Variants in LRRC7 observed in about 807,000 individuals in gnomAD.
LRRC7 encodes the protein leucine rich repeat containing 7.
Under a neutral mutation model 175.7 loss-of-function variants are expected in LRRC7, and 23 were observed. The ratio of observed to expected loss-of-function variants is 0.13; its 90% confidence interval spans 0.09 to 0.19. The LOEUF (loss-of-function observed/expected upper bound fraction) is 0.19. Among genes scored for constraint, LRRC7 ranks in the 10% least tolerant of loss-of-function variants. LRRC7 has a pLI of 1.00. For missense variants in LRRC7, 1,354 were observed against 1,904.7 expected (o/e 0.71, Z 5.38); for synonymous variants, 685 against 680.9 (o/e 1.01, Z -0.09).
chr1:69,794,761 A>G (rs1190778034), intron 4 of LRRC7, among the ~76,000 whole-genome samples: 1 of 152,202 alleles, frequency 6.6e-6, no homozygotes, highest in African/African-American at 2.4e-5. Flanking sequence ...CATTTTTGTG[A>G]GCATGTAAAA....
In LRRC7 at chr1:70,039,557, A is replaced by G. The variant is rs1659678568; in HGVS notation, c.3733A>G (p.Thr1245Ala). The G allele has an allele frequency of 1.9e-6, 3 of 1,614,038 alleles. No homozygotes were observed. Among genetic ancestry groups the G allele is most frequent in the Non-Finnish European group, 8.5e-7 (1 of 1,180,030 alleles). The change falls in exon 21 of 27, where the codon ACA becomes GCA. Residue 1245 changes from threonine (T) to alanine (A), a missense_variant. Coordinates refer to ENST00000651989, the MANE Select transcript of LRRC7 (RefSeq NM_001370785.2). ...RRPLSARSYS[T>A]ESYGASQTRP... ...GCCATTGTCTGCGAGAAGCTACAGT[A>G]CAGAGAGTTACGGTGCCTCCCAAAC...
At position 69,985,370 on chromosome 1, in the gene LRRC7, T is replaced by C. The variant is rs994199464; in HGVS notation, c.787-872T>C. 2.0e-5 allele frequency among the ~76,000 whole-genome samples: 3 copies of C among 152,248 alleles called. No homozygotes were observed. In the East Asian group the frequency reaches 5.8e-4, roughly 29 times the overall value. On this transcript the variant is annotated intron_variant, in intron 9 of 26. Coordinates refer to ENST00000651989, the MANE Select transcript of LRRC7 (RefSeq NM_001370785.2). The stretch of plus-strand genomic sequence containing the variant: ...AAATTATAATTTAAAACCTTTCTTA[T>C]GCATTTGAAATTTTAAGGATCTACA...
At chr1:69,722,456 T>C (rs577663788) in intron 2 of LRRC7, among the ~76,000 whole-genome samples, 6 of 152,174 alleles carry the variant, frequency 3.9e-5, no homozygotes, top group Admixed American at 2.6e-4. Context: ...TGCTAGATTT[T>C]ATAATGTTGC....
intron 25 of LRRC7, among the ~76,000 whole-genome samples, chr1:70,092,036 T>C (rs1249406002): frequency 6.6e-6 from 1 of 152,122 alleles, no homozygotes; most frequent in Non-Finnish European, 1.5e-5. Flanking sequence ...CTAAAGACAC[T>C]GACTGACAAT....
intron 1 of LRRC7, 39 bp downstream of exon 1, chr1:69,568,680 C>A (rs751265172): frequency 1.1e-6 from 1 of 941,116 alleles, no homozygotes; most frequent in Non-Finnish European, 1.4e-6. Flanking sequence ...GAGGGTGCTG[C>A]GGGGGCCCGG....
chr1:69,692,239 T>G (rs1661980548), intron 2 of LRRC7, among the ~76,000 whole-genome samples: 1 of 152,184 alleles, frequency 6.6e-6, no homozygotes, highest in African/African-American at 2.4e-5. Context: ...AGGAAGGTAC[T>G]GGGCTACTTA....
chr1:69,960,229 C>T (rs1650912604), intron 8 of LRRC7, among the ~76,000 whole-genome samples: 1 of 151,958 alleles, frequency 6.6e-6, no homozygotes, highest in East Asian at 1.9e-4. Flanking sequence ...TGTATGAGTC[C>T]AGGAAGTTAT....
At chr1:70,074,631 G>T (rs558988672) in intron 23 of LRRC7, among the ~76,000 whole-genome samples, 1 of 152,274 alleles carries the variant, frequency 6.6e-6, no homozygotes, top group South Asian at 2.1e-4. Flanking sequence ...TCATGTCTGA[G>T]ATATCTTTAC....
At chr1:69,689,529 T>C (rs951924965) in intron 2 of LRRC7, among the ~76,000 whole-genome samples, 1 of 152,192 alleles carries the variant, frequency 6.6e-6, no homozygotes, top group Admixed American at 6.5e-5. Flanking sequence ...TTAATATTCA[T>C]GCTGCAATAT....
Position 69,668,787 on chromosome 1 carries a change from C to G in LRRC7, c.3-9594C>G, listed in dbSNP as rs570484651. ...ACAGTGTAAAAGCATTCCTATTTCT[C>G]CACATCCTCTCCAGCATCTGTTGCT... On this transcript the variant is annotated intron_variant, in intron 1 of 26. Transcript: ENST00000651989. 2.0e-5 allele frequency among the ~76,000 whole-genome samples: 3 copies of G among 152,308 alleles called. No homozygotes were observed. In the East Asian group the frequency reaches 5.8e-4, roughly 29 times the overall value.
chr1:70,023,292 G>A lies in LRRC7; in HGVS notation c.1712G>A (p.Gly571Asp), dbSNP rs1410065936. The A allele has an allele frequency of 1.2e-6, 2 of 1,613,336 alleles. No individual in the cohort carries two copies. Among genetic ancestry groups the A allele is most frequent in the Non-Finnish European group, 1.7e-6 (2 of 1,179,626 alleles). The change falls in exon 17 of 27, where the codon GGC (glycine) becomes GAC (aspartate). Residue 571 changes from glycine (G) to aspartate (D), a missense_variant. Gly to Asp is a moderately conservative substitution (Grantham distance 94). This residue lies in a region of LRRC7 where 1,032 missense variants were observed against 1,227.2 expected (regional missense o/e 0.84). Coordinates refer to ENST00000651989, the MANE Select transcript of LRRC7 (RefSeq NM_001370785.2). ...CAGCTGGCATGGGGTTGTATAAGTG[G>A]CCTCCAGCAGGAAAGGAGCATGTGT... Reference protein sequence around the residue: ...DPQLAWGCISGLQQERSMCTP... With the variant: ...DPQLAWGCISDLQQERSMCTP...
intron 7 of LRRC7, among the ~76,000 whole-genome samples, chr1:69,912,713 G>GA (rs1297066273): frequency 6.6e-6 from 1 of 152,172 alleles, no homozygotes; most frequent in Non-Finnish European, 1.5e-5. Flanking sequence ...CAGCATGAAT[G>GA]AATAATTGGT....
intron 1 of LRRC7, among the ~76,000 whole-genome samples, chr1:69,645,178 A>G: frequency 6.6e-6 from 1 of 152,034 alleles, no homozygotes; most frequent in African/African-American, 2.4e-5. Flanking sequence ...TTTTATTCAC[A>G]GATGACATAA....
At chr1:69,592,935 A>G (rs1390218729) in intron 1 of LRRC7, among the ~76,000 whole-genome samples, 3 of 152,024 alleles carry the variant, frequency 2.0e-5, no homozygotes, top group Non-Finnish European at 4.4e-5. Flanking sequence ...TCTAATATCT[A>G]AAAGTTTTTA....
intron 2 of LRRC7, among the ~76,000 whole-genome samples, chr1:69,743,404 T>TG (rs1668921903): frequency 6.6e-6 from 1 of 152,028 alleles, no homozygotes; most frequent in Admixed American, 6.6e-5. Flanking sequence ...GAAAAACACT[T>TG]GCAAAAGCAC....
At chr1:69,937,597 C>T (rs996205816) in intron 8 of LRRC7, among the ~76,000 whole-genome samples, 3 of 152,018 alleles carry the variant, frequency 2.0e-5, no homozygotes, top group Admixed American at 2.0e-4. Context: ...GATTTGTATA[C>T]ATTATTCTTG....
intron 1 of LRRC7, among the ~76,000 whole-genome samples, chr1:69,617,567 A>AAAAAAAAAAAAAAAAAAAAC: frequency 6.7e-6 from 1 of 150,118 alleles, no homozygotes; most frequent in African/African-American, 2.4e-5. Flanking sequence ...AAAAAAAAAA[A>AAAAAAAAAAAAAAAAAAAAC]AAAAATCAGA....
intron 2 of LRRC7, among the ~76,000 whole-genome samples, chr1:69,706,465 AG>A (rs1181373348): frequency 6.6e-6 from 1 of 152,194 alleles, no homozygotes; most frequent in African/African-American, 2.4e-5. Flanking sequence ...GACTTTTTAG[AG>A]ACTAGATCAC....
At chr1:69,695,285 TGACTTA>T (rs1451681312) in intron 2 of LRRC7, among the ~76,000 whole-genome samples, 1 of 152,204 alleles carries the variant, frequency 6.6e-6, no homozygotes, top group Non-Finnish European at 1.5e-5. Flanking sequence ...TTATGAGTGA[TGACTTA>T]GAGTATCTGG....
Sources: allele counts gnomAD v4.1 joint callset (sites outside exome capture counted in the v4.1 genomes callset), GRCh38; gene constraint gnomAD v4.1.1; regional missense constraint gnomAD v4.1.1; transcripts MANE v1.5; gene names NCBI Gene and HGNC (gene_info 2026-07-23, HGNC 2026-07-21).